Variants in SMIM36 observed in about 807,000 individuals in gnomAD.
SMIM36 encodes small integral membrane protein 36.
intron 3 of SMIM36, among the ~76,000 whole-genome samples, chr17:55,469,024 G>A (rs750456497): frequency 6.6e-6 from 1 of 151,964 alleles, no homozygotes; most frequent in East Asian, 1.9e-4. Flanking sequence ...AATGAGACTC[G>A]TCCCAAATCT....
chr17:55,469,501 A>G (rs1909304253), intron 3 of SMIM36, among the ~76,000 whole-genome samples: 2 of 151,826 alleles, frequency 1.3e-5, no homozygotes, highest in Admixed American at 6.6e-5. Flanking sequence ...CACCCAGTCC[A>G]CTCCTGACAT....
chr17:55,514,881 A>C (rs1480769618), upstream of SMIM36, among the ~76,000 whole-genome samples: 5 of 152,190 alleles, frequency 3.3e-5, no homozygotes, highest in African/African-American at 1.2e-4. Context: ...TTGATAAAAT[A>C]TGGTATCCCA....
At chr17:55,514,921 C>T (rs1910242412), upstream of SMIM36, among the ~76,000 whole-genome samples, 1 of 152,024 alleles carries the variant, frequency 6.6e-6, no homozygotes, top group Non-Finnish European at 1.5e-5. Context: ...GAAGTGTCAA[C>T]TTCAGAGGTA....
Position 55,505,671 on chromosome 17 carries a change from A to G in SMIM36, c.*174+5208T>C, listed in dbSNP as rs928862535. ...TTCCCTTTGAAAACTGGCACAAGAC[A>G]GGGATGCCCTCTCTCACCGCTCCTA... On this transcript the variant is annotated intron_variant, in intron 1 of 4. Coordinates refer to ENST00000636752, the Ensembl canonical transcript of SMIM36. Among the ~76,000 whole-genome samples the G allele has an allele frequency of 5.5e-5, 4 of 72,580 alleles. No individual in the cohort carries two copies. In the African/African-American group the frequency reaches 5.6e-4, roughly 10 times the overall value. 47.6% of individuals were successfully genotyped at this position (72,580 alleles called of 152,430 possible). A position where few individuals can be genotyped will look rare whatever the true frequency, so the allele number is the denominator to read the frequency against.
rs149761519 is a variant in SMIM36, at chr17:55,475,106, C to T, written c.*347+3656G>A. On this transcript the variant is annotated intron_variant, in intron 3 of 4. Coordinates refer to ENST00000636752, the Ensembl canonical transcript of SMIM36. Reference sequence around the variant, plus strand: ...GCAGTACTAGTACTGCAGTCACCCCCACTACTTGGACTGCACCCCAAAAAC... The same window carrying T: ...GCAGTACTAGTACTGCAGTCACCCCTACTACTTGGACTGCACCCCAAAAAC... Among the ~76,000 whole-genome samples, 1,311 of 152,224 alleles carry T rather than the reference C, an allele frequency of 8.6e-3. 20 individuals are homozygous for T. The highest frequency in any genetic ancestry group is 0.03 in the African/African-American group (1,240 of 41,522).
chr17:55,457,427 G>T (rs1167315662), intron 4 of SMIM36, among the ~76,000 whole-genome samples: 1 of 145,968 alleles, frequency 6.9e-6, no homozygotes, highest in Non-Finnish European at 1.5e-5. Context: ...CTCCAGCTTG[G>T]GTGACAAGAG....
intron 3 of SMIM36, among the ~76,000 whole-genome samples, chr17:55,477,826 G>A (rs1029659234): frequency 1.3e-5 from 2 of 150,934 alleles, no homozygotes; most frequent in Non-Finnish European, 2.9e-5. Context: ...AAGTGAAGAA[G>A]AGGGGCATTT....
chr17:55,511,109 G>A, exon 1 of SMIM36: 3 of 398,528 alleles, frequency 7.5e-6, no homozygotes, highest in East Asian at 7.1e-5. Context: ...GAAAGGCCAG[G>A]CCCCTTTGGC....
the SMIM36 span, among the ~76,000 whole-genome samples, chr17:55,523,529 C>CAAAAA: frequency 3.2e-5 from 2 of 62,146 alleles, no homozygotes; most frequent in African/African-American, 8.8e-5. Context: ...GACTCCGTCT[C>CAAAAA]AAAAAAAAAA....
intron 4 of SMIM36, among the ~76,000 whole-genome samples, chr17:55,452,575 C>G (rs566664749): frequency 6.6e-6 from 1 of 152,170 alleles, no homozygotes; most frequent in Admixed American, 6.5e-5. Flanking sequence ...CAAGAGCTTG[C>G]CATGAACAGC....
At chr17:55,511,606 A>G (rs773195476), upstream of SMIM36, among the ~76,000 whole-genome samples, 50 of 152,222 alleles carry the variant, frequency 3.3e-4, no homozygotes, top group Admixed American at 6.5e-5. Context: ...GAGATGGCTC[A>G]TGAGTTACTG....
chr17:55,482,761 T>C (rs1382592287), intron 1 of SMIM36, among the ~76,000 whole-genome samples: 1 of 152,224 alleles, frequency 6.6e-6, no homozygotes, highest in African/African-American at 2.4e-5. Context: ...AGGGAAAACA[T>C]GTACTTACTG....
chr17:55,489,213 A>C (rs1909659735), intron 1 of SMIM36, among the ~76,000 whole-genome samples: 1 of 152,144 alleles, frequency 6.6e-6, no homozygotes, highest in African/African-American at 2.4e-5. Context: ...CCTTGTCTCT[A>C]CTAAAAATAC....
intron 1 of SMIM36, among the ~76,000 whole-genome samples, chr17:55,497,835 C>T (rs1909835662): frequency 6.6e-6 from 1 of 152,192 alleles, no homozygotes; most frequent in South Asian, 2.1e-4. Context: ...CATAATGTCA[C>T]ATCCAATAGA....
At chr17:55,467,296 C>A (rs939334435) in exon 4 of SMIM36, 7 of 152,240 alleles carry the variant, frequency 4.6e-5, no homozygotes, top group Non-Finnish European at 7.4e-5. Flanking sequence ...AGCTGTCAGT[C>A]TAATTTCTAT....
chr17:55,523,446 C>T, the SMIM36 span, among the ~76,000 whole-genome samples: 1 of 151,050 alleles, frequency 6.6e-6, no homozygotes. Flanking sequence ...AGGAGAATTG[C>T]TTGAACCCGG....
At chr17:55,468,849 C>A (rs1399354839) in intron 3 of SMIM36, among the ~76,000 whole-genome samples, 1 of 152,100 alleles carries the variant, frequency 6.6e-6, no homozygotes, top group Non-Finnish European at 1.5e-5. Context: ...ACCGCTTGGC[C>A]CCAATACAAA....
intron 4 of SMIM36, among the ~76,000 whole-genome samples, chr17:55,463,693 T>A (rs912959313): frequency 2.0e-5 from 3 of 152,148 alleles, no homozygotes; most frequent in African/African-American, 7.2e-5. Flanking sequence ...GATTAGTAAG[T>A]CCGTGGGTTG....
the SMIM36 span, among the ~76,000 whole-genome samples, chr17:55,516,762 A>G: frequency 0.49 from 73,981 of 151,562 alleles, 18,305 homozygotes; most frequent in Middle Eastern, 0.52. Flanking sequence ...GTTTCACCAT[A>G]TTGGCCAGGC....
Sources: gnomAD v4.1 joint callset for allele counts (sites outside exome capture counted in the v4.1 genomes callset) on GRCh38, gnomAD v4.1.1 for gene constraint, MANE v1.5 for transcripts, NCBI Gene and HGNC (gene_info 2026-07-23, HGNC 2026-07-21) for gene names.